EIF2AK2: variants seen among roughly 807,000 people sequenced by gnomAD.
EIF2AK2 encodes the protein interferon-induced, double-stranded RNA-activated protein kinase.
Under a neutral mutation model 70.5 loss-of-function variants are expected in EIF2AK2, and 40 were observed. The ratio of observed to expected loss-of-function variants is 0.57; its 90% confidence interval spans 0.44 to 0.74. The LOEUF (loss-of-function observed/expected upper bound fraction) is 0.74. Ranked by LOEUF, EIF2AK2 falls within the 30% of genes least tolerant of loss-of-function variation. The pLI is 0.00. For missense variants in EIF2AK2, 555 were observed against 644.3 expected (o/e 0.86, Z 1.50); for synonymous variants, 198 against 220.9 (o/e 0.90, Z 0.92).
chr2:37,149,235 G>A (rs1202041765), intron 1 of EIF2AK2: 10 of 1,087,516 alleles, frequency 9.2e-6, no homozygotes, highest in East Asian at 4.7e-5. Flanking sequence ...CACTGTGACC[G>A]CAAGTCACAA....
At chr2:37,144,573 G>A (rs1446712038) in intron 4 of EIF2AK2, among the ~76,000 whole-genome samples, 1 of 151,364 alleles carries the variant, frequency 6.6e-6, no homozygotes, top group African/African-American at 2.4e-5. Context: ...TGTTTGTGTT[G>A]TAATTTTTTT....
chr2:37,155,227 C>G (rs188796026), intron 1 of EIF2AK2, among the ~76,000 whole-genome samples: 29 of 152,264 alleles, frequency 1.9e-4, no homozygotes, highest in African/African-American at 6.3e-4. Context: ...TTTCTACTTC[C>G]TACAGATTTC....
At chr2:37,135,655 G>A (rs1675102711) in intron 9 of EIF2AK2, 109 bp from the exon 10 acceptor site, 3 of 958,332 alleles carry the variant, frequency 3.1e-6, no homozygotes, top group Non-Finnish European at 1.6e-6. Context: ...CAGAGGCAAG[G>A]TCTCACCCCA....
intron 6 of EIF2AK2, 152 bp from the exon 7 acceptor site, chr2:37,138,737 T>C (rs2148701341): frequency 3.0e-6 from 2 of 666,834 alleles, no homozygotes; most frequent in East Asian, 5.7e-5. Context: ...TTTTGGATGT[T>C]TGGTCTGGAT....
chr2:37,144,556 A>G (rs1466338207), intron 4 of EIF2AK2, among the ~76,000 whole-genome samples: 1 of 151,494 alleles, frequency 6.6e-6, no homozygotes, highest in Non-Finnish European at 1.5e-5. Flanking sequence ...GCCTAGGCTG[A>G]TGTGTGTGTT....
intron 4 of EIF2AK2, among the ~76,000 whole-genome samples, chr2:37,142,804 T>C (rs1675380254): frequency 6.6e-6 from 1 of 152,208 alleles, no homozygotes; most frequent in Non-Finnish European, 1.5e-5. Context: ...TGCTACACTA[T>C]CTCCTGGTTT....
chr2:37,130,751 G>C (rs1164529749), intron 10 of EIF2AK2, among the ~76,000 whole-genome samples: 2 of 152,104 alleles, frequency 1.3e-5, no homozygotes, highest in Admixed American at 1.3e-4. Flanking sequence ...CACTATTTCG[G>C]TCAGGCACTT....
At position 37,126,364 on chromosome 2, in the gene EIF2AK2, A is replaced by T. The variant is rs374360324; in HGVS notation, c.833T>A (p.Phe278Tyr). ...GTGTTTTGCTTTGAAAACTTGGCCA[A>T]ATCCACCTGAGCCAATTAATTCTAT... ...KEIELIGSGG[F>Y]GQVFKAKHRI... is the part of the protein sequence containing the mutation. Residue 278 changes from phenylalanine to tyrosine, a missense_variant, in exon 11 of 17, where the codon TTT becomes TAT. By Grantham distance (22) the Phe-to-Tyr change is conservative (BLOSUM62 3). This residue lies in a region of EIF2AK2 where 299 missense variants were observed against 375.4 expected (regional missense o/e 0.80). Coordinates refer to ENST00000233057, the MANE Select transcript of EIF2AK2 (RefSeq NM_001135651.3). 41 of 1,612,550 alleles carry T rather than the reference A, an allele frequency of 2.5e-5. No homozygotes were observed. The highest frequency in any genetic ancestry group is 3.3e-5 in the Non-Finnish European group (39 of 1,179,518).
intron 6 of EIF2AK2, among the ~76,000 whole-genome samples, chr2:37,138,982 C>T (rs1219867052): frequency 1.4e-5 from 2 of 141,988 alleles, no homozygotes. Context: ...TTTTTTGTAG[C>T]GACATGGTTT....
At chr2:37,152,611 T>C (rs1675785677) in intron 1 of EIF2AK2, among the ~76,000 whole-genome samples, 3 of 152,216 alleles carry the variant, frequency 2.0e-5, no homozygotes. Context: ...CCTTAATCTT[T>C]GTAGCTCTAA....
At chr2:37,128,522 G>T (rs1674823857) in intron 10 of EIF2AK2, among the ~76,000 whole-genome samples, 2 of 152,154 alleles carry the variant, frequency 1.3e-5, no homozygotes, top group African/African-American at 4.8e-5. Context: ...TTCTCCAAGA[G>T]ACATGATCAA....
chr2:37,141,194 T>C (rs576609098), intron 5 of EIF2AK2, among the ~76,000 whole-genome samples: 2 of 152,332 alleles, frequency 1.3e-5, no homozygotes, highest in South Asian at 2.1e-4. Context: ...TCTATACATG[T>C]GGCAGAGAGG....
chr2:37,100,101 A>G lies in EIF2AK2; in HGVS notation c.*7172T>C, dbSNP rs1127906. 110,585 of 152,046 alleles carry G rather than the reference A, an allele frequency of 0.73. 40,569 individuals carry two copies. The highest frequency in any genetic ancestry group is 0.79 in the Middle Eastern group (232 of 294). 9.4% of individuals were successfully genotyped at this position (152,046 alleles called of 1,614,324 possible). ...ATTGTATACTGTATAGGTGAATTGTATGGCATGTGAATTATATCTCAATAA... is the reference window on the plus strand; with the variant it reads ...ATTGTATACTGTATAGGTGAATTGTGTGGCATGTGAATTATATCTCAATAA... On this transcript the variant is annotated 3_prime_UTR_variant, in exon 17 of 17. Transcript: ENST00000233057.
chr2:37,153,337 CTTTTTTTT>C (rs1553340565), intron 1 of EIF2AK2, among the ~76,000 whole-genome samples: 1 of 109,866 alleles, frequency 9.1e-6, no homozygotes, highest in Non-Finnish European at 1.8e-5. Context: ...CTCTGCTAAT[CTTTTTTTT>C]TTTTTTTTTT....
intron 4 of EIF2AK2, among the ~76,000 whole-genome samples, chr2:37,144,591 T>TA (rs1164168543): frequency 6.8e-6 from 1 of 147,790 alleles, no homozygotes; most frequent in Non-Finnish European, 1.5e-5. Flanking sequence ...TTTTCTTTCT[T>TA]TTTTTTTTTT....
rs547057418 is a variant in EIF2AK2, at chr2:37,103,921, C to T, written c.*3352G>A. The T allele has an allele frequency of 2.0e-5, 3 of 152,244 alleles. No homozygotes were observed. The highest frequency in any genetic ancestry group is 1.9e-4 in the East Asian group (1 of 5,164). The allele number at this position is 152,244 out of a possible 1,614,324, so 9.4% of individuals were successfully genotyped here. On this transcript the variant is annotated 3_prime_UTR_variant, in exon 17 of 17. Coordinates refer to ENST00000233057, the MANE Select transcript of EIF2AK2 (RefSeq NM_001135651.3). ...TGGGAGGCCAAGGCAAGTGAATCAC[C>T]TGAGGTCAGGAGTTCAAAACCAGCT...
At chr2:37,130,114 T>G (rs1674888198) in intron 10 of EIF2AK2, among the ~76,000 whole-genome samples, 1 of 143,742 alleles carries the variant, frequency 7.0e-6, no homozygotes, top group Non-Finnish European at 1.6e-5. Flanking sequence ...TTATTTTATT[T>G]TTTTGAGATG....
chr2:37,145,713 G>A (rs928976159), intron 4 of EIF2AK2, among the ~76,000 whole-genome samples: 7 of 132,258 alleles, frequency 5.3e-5, no homozygotes. Flanking sequence ...TGCATGGTAT[G>A]TGCCTTATAT....
At chr2:37,144,495 C>A (rs1477999952) in intron 4 of EIF2AK2, among the ~76,000 whole-genome samples, 3 of 152,006 alleles carry the variant, frequency 2.0e-5, no homozygotes, top group African/African-American at 7.2e-5. Flanking sequence ...TCCAGAGGGA[C>A]AAAATCTGGA....
Sources: gnomAD v4.1 joint callset for allele counts (sites outside exome capture counted in the v4.1 genomes callset) on GRCh38, gnomAD v4.1.1 for gene constraint, gnomAD v4.1.1 regional missense constraint, MANE v1.5 for transcripts, NCBI Gene and HGNC (gene_info 2026-07-23, HGNC 2026-07-21) for gene names.